Variants in NDST4 observed in about 807,000 individuals in gnomAD.
NDST4 encodes N-heparan sulfate sulfotransferase 4.
In NDST4, 63 loss-of-function variants were observed where a neutral mutation model predicts 100.8. The observed-to-expected ratio is 0.62, with a 90% confidence interval of 0.51 to 0.77. NDST4 has a LOEUF of 0.77. NDST4 is among the 30% of genes least tolerant of loss of function. The pLI, the probability that NDST4 is intolerant of heterozygous loss-of-function variation, is 0.00. For missense variants in NDST4, 943 were observed against 1,018.4 expected (o/e 0.93, Z 1.01); for synonymous variants, 377 against 361.8 (o/e 1.04, Z -0.48).
At chr4:115,078,491 G>A (rs1323618624) in intron 1 of NDST4, among the ~76,000 whole-genome samples, 2 of 152,106 alleles carry the variant, frequency 1.3e-5, no homozygotes, top group Non-Finnish European at 2.9e-5. Flanking sequence ...TTATGCCTTA[G>A]CGAACAACTA....
intron 2 of NDST4, among the ~76,000 whole-genome samples, chr4:115,006,550 C>T (rs989521534): frequency 2.6e-5 from 4 of 151,858 alleles, no homozygotes; most frequent in Admixed American, 6.6e-5. Context: ...AATTTAAATC[C>T]CTAATTTTTC....
chr4:114,954,998 A>G (rs1726107062), intron 4 of NDST4, among the ~76,000 whole-genome samples: 1 of 152,194 alleles, frequency 6.6e-6, no homozygotes, highest in South Asian at 2.1e-4. Context: ...CCAGAAGCAG[A>G]AGCTGCTATG....
intron 2 of NDST4, among the ~76,000 whole-genome samples, chr4:115,035,212 C>G (rs1728207266): frequency 6.6e-6 from 1 of 152,028 alleles, no homozygotes; most frequent in Non-Finnish European, 1.5e-5. Context: ...TCTATACCAT[C>G]AAAAGACTTA....
At chr4:114,938,560 A>T (rs1329160191) in intron 4 of NDST4, among the ~76,000 whole-genome samples, 1 of 152,250 alleles carries the variant, frequency 6.6e-6, no homozygotes, top group Non-Finnish European at 1.5e-5. Flanking sequence ...GCACAGTCAC[A>T]CATGAAAGCT....
chr4:115,106,127 C>A (rs931746535), intron 1 of NDST4, among the ~76,000 whole-genome samples: 12 of 151,912 alleles, frequency 7.9e-5, no homozygotes, highest in African/African-American at 1.5e-4. Flanking sequence ...GGGGGTAGGG[C>A]AAAAATATCT....
intron 6 of NDST4, among the ~76,000 whole-genome samples, chr4:114,931,430 T>C (rs920649076): frequency 7.3e-5 from 11 of 151,374 alleles, no homozygotes; most frequent in African/African-American, 2.7e-4. Flanking sequence ...ATAAAAAGCT[T>C]AATTTTATAT....
intron 6 of NDST4, among the ~76,000 whole-genome samples, chr4:114,909,626 G>A (rs1310547302): frequency 7.0e-6 from 1 of 143,318 alleles, no homozygotes; most frequent in Admixed American, 7.0e-5. Flanking sequence ...CGCCACTGCA[G>A]TCTGCAGTCC....
At chr4:114,937,533 G>A in intron 4 of NDST4, 30 bp from the exon 5 acceptor site, 1 of 1,494,780 alleles carries the variant, frequency 6.7e-7, no homozygotes, top group Non-Finnish European at 9.0e-7. Context: ...ACATCATGAT[G>A]GGACAAGGCC....
intron 2 of NDST4, among the ~76,000 whole-genome samples, chr4:115,006,111 GA>G (rs902281570): frequency 1.2e-4 from 17 of 146,750 alleles, no homozygotes; most frequent in Admixed American, 8.8e-4. Flanking sequence ...GAAAGAGAAA[GA>G]AAAAAAGAAA....
chr4:114,982,488 G>A (rs186185245), intron 2 of NDST4, among the ~76,000 whole-genome samples: 59 of 152,264 alleles, frequency 3.9e-4, no homozygotes, highest in African/African-American at 1.3e-3. Flanking sequence ...AGGGCGTCTG[G>A]AGGAACAAAT....
intron 2 of NDST4, among the ~76,000 whole-genome samples, chr4:115,024,107 G>A (rs74573739): frequency 0.017 from 2,643 of 152,220 alleles, 78 homozygotes; most frequent in African/African-American, 0.059. Flanking sequence ...CTACTTAGGA[G>A]CCCAGGCAGA....
At chr4:115,073,653 T>C (rs1290774409) in intron 2 of NDST4, among the ~76,000 whole-genome samples, 3 of 151,824 alleles carry the variant, frequency 2.0e-5, no homozygotes, top group South Asian at 4.2e-4. Context: ...TTCCCAGAGG[T>C]TGAGAGTGAA....
intron 6 of NDST4, among the ~76,000 whole-genome samples, chr4:114,917,928 T>C (rs1725208292): frequency 6.6e-6 from 1 of 152,180 alleles, no homozygotes; most frequent in Non-Finnish European, 1.5e-5. Context: ...ACAATAAATG[T>C]CATTTATAAA....
At chr4:114,999,542 A>G (rs1435474560) in intron 2 of NDST4, among the ~76,000 whole-genome samples, 1 of 152,122 alleles carries the variant, frequency 6.6e-6, no homozygotes, top group Non-Finnish European at 1.5e-5. Flanking sequence ...TTGGATATTC[A>G]TTCATTAAGA....
intron 9 of NDST4, among the ~76,000 whole-genome samples, chr4:114,846,358 A>G (rs1259650357): frequency 6.6e-6 from 1 of 152,256 alleles, no homozygotes; most frequent in East Asian, 1.9e-4. Flanking sequence ...TGATATTAAA[A>G]AATAGTAAAT....
chr4:115,000,637 CTAAT>C, intron 2 of NDST4, among the ~76,000 whole-genome samples: 1 of 152,198 alleles, frequency 6.6e-6, no homozygotes, highest in Middle Eastern at 3.4e-3. Flanking sequence ...TGATATGACA[CTAAT>C]TACTACGCAA....
At chr4:114,870,463 A>G (rs990472508) in intron 7 of NDST4, among the ~76,000 whole-genome samples, 8 of 152,244 alleles carry the variant, frequency 5.3e-5, no homozygotes, top group Non-Finnish European at 1.0e-4. Context: ...TAGTGCTCAC[A>G]CTGCATGCAA....
At chr4:114,859,399 C>T (rs982747665) in intron 7 of NDST4, among the ~76,000 whole-genome samples, 1 of 152,188 alleles carries the variant, frequency 6.6e-6, no homozygotes, top group African/African-American at 2.4e-5. Flanking sequence ...AATAATTCTC[C>T]TCTTATAAAT....
rs757712842 is a variant in NDST4 at position 114,970,530 on chromosome 4, A to T, written c.1121T>A (p.Phe374Tyr). 5 of 1,613,924 alleles carry T rather than the reference A, an allele frequency of 3.1e-6. No homozygotes were observed. The South Asian group carries it at 5.5e-5, about 18-fold the overall frequency. The change falls in exon 4 of 14, where the codon TTC (phenylalanine) becomes TAC (tyrosine). Residue 374 changes from phenylalanine (F) to tyrosine (Y), a missense_variant. Phe to Tyr is a conservative substitution (Grantham distance 22). This residue lies in a region of NDST4 where 526 missense variants were observed against 634.1 expected (regional missense o/e 0.83). Coordinates refer to ENST00000264363, the MANE Select transcript of NDST4 (RefSeq NM_022569.3). ...GCTCCACATGTGAGGAAACCACCAG[A>T]ACTCATCCACAGACCGAAGTAAAAG... Reference protein sequence around the residue: ...DDLLLRSVDEFWWFPHMWSHM... With the variant: ...DDLLLRSVDEYWWFPHMWSHM...
Sources: allele counts gnomAD v4.1 joint callset (sites outside exome capture counted in the v4.1 genomes callset), GRCh38; gene constraint gnomAD v4.1.1; regional missense constraint gnomAD v4.1.1; transcripts MANE v1.5; gene names NCBI Gene and HGNC (gene_info 2026-07-23, HGNC 2026-07-21).